Variants in GPC6 observed in about 807,000 individuals in gnomAD.
GPC6 encodes the protein glypican 6.
In GPC6, 14 loss-of-function variants were observed where a neutral mutation model predicts 55.2. The observed-to-expected ratio is 0.25, with a 90% CI of 0.17 to 0.40. The LOEUF (loss-of-function observed/expected upper bound fraction) is 0.40, where lower values mean the gene tolerates loss of function less well. GPC6 is among the 10% of genes least tolerant of loss of function. GPC6 has a pLI of 1.00. For synonymous variants in GPC6, 278 were observed against 259.6 expected (o/e 1.07, Z -0.68); for missense variants, 641 against 708.5 (o/e 0.90, Z 1.08).
At chr13:94,080,552 CT>C (rs1321641229) in intron 4 of GPC6, among the ~76,000 whole-genome samples, 1 of 152,046 alleles carries the variant, frequency 6.6e-6, no homozygotes, top group Non-Finnish European at 1.5e-5. Context: ...TGTTTAACTA[CT>C]TGGGCAACTA....
intron 1 of GPC6, among the ~76,000 whole-genome samples, chr13:93,400,175 C>T (rs1463678206): frequency 1.3e-5 from 2 of 152,106 alleles, no homozygotes; most frequent in Non-Finnish European, 2.9e-5. Flanking sequence ...TTTCTAAGCT[C>T]ACCTCTTCCG....
At chr13:93,942,289 T>C (rs768151154) in intron 3 of GPC6, among the ~76,000 whole-genome samples, 3 of 152,200 alleles carry the variant, frequency 2.0e-5, no homozygotes, top group Non-Finnish European at 4.4e-5. Context: ...AAAACTTAGC[T>C]TCGAGCCTTG....
At chr13:93,409,626 G>T (rs1876422674) in intron 1 of GPC6, among the ~76,000 whole-genome samples, 1 of 152,136 alleles carries the variant, frequency 6.6e-6, no homozygotes, top group East Asian at 1.9e-4. Flanking sequence ...ACCTTTTGTT[G>T]TTCATACTTC....
intron 4 of GPC6, among the ~76,000 whole-genome samples, chr13:94,033,268 C>G (rs1204502700): frequency 6.6e-6 from 1 of 152,180 alleles, no homozygotes; most frequent in Non-Finnish European, 1.5e-5. Flanking sequence ...GTACCTGATT[C>G]TTTCATTGTG....
chr13:93,626,819 A>T (rs1238371358), intron 2 of GPC6, among the ~76,000 whole-genome samples: 5 of 151,522 alleles, frequency 3.3e-5, no homozygotes, highest in Non-Finnish European at 5.9e-5. Context: ...AAAAAAAAAA[A>T]TCCTAAGACT....
chr13:93,518,354 T>A (rs2590534), intron 1 of GPC6, among the ~76,000 whole-genome samples: 1 of 151,464 alleles, frequency 6.6e-6, no homozygotes, highest in Non-Finnish European at 1.5e-5. Context: ...CAGATGGGCC[T>A]TAATCTAGTT....
At chr13:93,255,263 A>G (rs561995602) in intron 1 of GPC6, among the ~76,000 whole-genome samples, 15 of 152,334 alleles carry the variant, frequency 9.8e-5, no homozygotes, top group East Asian at 1.9e-4. Flanking sequence ...ATAATTTAAT[A>G]CATTCATAAA....
At chr13:93,501,028 G>A (rs540208837) in intron 1 of GPC6, among the ~76,000 whole-genome samples, 1 of 152,126 alleles carries the variant, frequency 6.6e-6, no homozygotes, top group South Asian at 2.1e-4. Context: ...AGAGATGCCA[G>A]TATCTTATCC....
At chr13:93,783,576 G>GTCTATCTATCTA (rs60855226) in intron 2 of GPC6, among the ~76,000 whole-genome samples, 3,469 of 151,114 alleles carry the variant, frequency 0.023, 142 homozygotes, top group East Asian at 0.1. Flanking sequence ...CTATCTATCT[G>GTCTATCTATCTA]TCTATCTATC....
At chr13:93,900,755 T>A (rs1334121629) in intron 3 of GPC6, among the ~76,000 whole-genome samples, 1 of 152,104 alleles carries the variant, frequency 6.6e-6, no homozygotes, top group Non-Finnish European at 1.5e-5. Flanking sequence ...GCAGTAGAGG[T>A]ATGAGTACAG....
rs1432608552 is a variant in GPC6, at chr13:93,251,402, G to T, written c.160+23786G>T. On this transcript the variant is annotated intron_variant, in intron 1 of 8. Transcript: ENST00000377047. ...AAATAAATGATTTAAGGAGCAAACA[G>T]AATGGAATCTGTTTTTAAAGTATTT... Among the ~76,000 whole-genome samples the T allele has an allele frequency of 3.3e-5, 5 of 152,146 alleles. No homozygotes were observed. The East Asian group carries it at 9.6e-4, about 29-fold the overall frequency.
chr13:93,665,045 C>T (rs1881078244), intron 2 of GPC6, among the ~76,000 whole-genome samples: 1 of 152,196 alleles, frequency 6.6e-6, no homozygotes, highest in Non-Finnish European at 1.5e-5. Context: ...AATCAGCTAT[C>T]AGGGTAGAGC....
chr13:94,288,609 AT>A (rs1874674510), intron 5 of GPC6, among the ~76,000 whole-genome samples: 1 of 150,002 alleles, frequency 6.7e-6, no homozygotes, highest in African/African-American at 2.5e-5. Context: ...CTCCTTGAGT[AT>A]ACTTGTAGCT....
At chr13:94,145,277 G>A (rs1887522319) in intron 4 of GPC6, among the ~76,000 whole-genome samples, 1 of 152,072 alleles carries the variant, frequency 6.6e-6, no homozygotes, top group Admixed American at 6.6e-5. Flanking sequence ...ACTCATTATT[G>A]CATTTGTTGT....
chr13:94,386,223 G>A (rs1167351828), intron 7 of GPC6, among the ~76,000 whole-genome samples: 1 of 152,094 alleles, frequency 6.6e-6, no homozygotes, highest in Non-Finnish European at 1.5e-5. Flanking sequence ...AGCTGGGTGT[G>A]GTGGTGGGTG....
intron 2 of GPC6, among the ~76,000 whole-genome samples, chr13:93,602,709 G>A (rs1399992194): frequency 1.3e-5 from 2 of 152,042 alleles, no homozygotes; most frequent in Non-Finnish European, 2.9e-5. Context: ...TACATACATG[G>A]CATACTTCTT....
intron 2 of GPC6, among the ~76,000 whole-genome samples, chr13:93,682,594 C>T (rs1204881301): frequency 6.6e-6 from 1 of 152,078 alleles, no homozygotes; most frequent in Non-Finnish European, 1.5e-5. Context: ...TTAGAAGGCA[C>T]ATTCAGTTTC....
intron 1 of GPC6, among the ~76,000 whole-genome samples, chr13:93,475,039 A>G (rs1356290536): frequency 6.6e-6 from 1 of 152,192 alleles, no homozygotes; most frequent in Non-Finnish European, 1.5e-5. Context: ...GCAGCTACTC[A>G]GGAGGCTGTG....
At chr13:94,195,817 A>C (rs1286389300) in intron 4 of GPC6, among the ~76,000 whole-genome samples, 2 of 152,186 alleles carry the variant, frequency 1.3e-5, no homozygotes, top group Admixed American at 1.3e-4. Flanking sequence ...AGCCCATACC[A>C]AGGTACTCAC....
Sources: gnomAD v4.1 joint callset for allele counts (sites outside exome capture counted in the v4.1 genomes callset) on GRCh38, gnomAD v4.1.1 for gene constraint, MANE v1.5 for transcripts, NCBI Gene and HGNC (gene_info 2026-07-23, HGNC 2026-07-21) for gene names.